Variants in NCAM2 observed in about 807,000 individuals in gnomAD.
NCAM2 encodes the protein neural cell adhesion molecule 2.
Under a neutral mutation model 98.1 loss-of-function variants are expected in NCAM2, and 30 were observed. That is an observed-to-expected ratio of 0.31 (90% CI 0.23 to 0.41). NCAM2 has a LOEUF of 0.41. NCAM2 is among the 10% of genes least tolerant of loss of function. The pLI is 1.00. For missense variants in NCAM2, 867 were observed against 1,005.8 expected (o/e 0.86, Z 1.87); for synonymous variants, 368 against 342.4 (o/e 1.07, Z -0.83).
chr21:21,497,927 A>T (rs1384813677), intron 15 of NCAM2, among the ~76,000 whole-genome samples: 1 of 152,144 alleles, frequency 6.6e-6, no homozygotes, highest in South Asian at 2.1e-4. Flanking sequence ...GATGAATTTT[A>T]CTCAGAATTT....
At chr21:21,221,477 A>AG (rs1555832095) in intron 1 of NCAM2, among the ~76,000 whole-genome samples, 15 of 302 alleles carry the variant, frequency 0.05, no homozygotes, top group Non-Finnish European at 0.081. Flanking sequence ...GGAAACTAAA[A>AG]TGTACTCCAT....
chr21:21,258,197 A>C (rs1785627579), intron 1 of NCAM2, among the ~76,000 whole-genome samples: 2 of 152,164 alleles, frequency 1.3e-5, no homozygotes, highest in East Asian at 1.9e-4. Flanking sequence ...TTTCTACTTT[A>C]AAGTATAGGT....
intron 9 of NCAM2, among the ~76,000 whole-genome samples, chr21:21,397,614 G>T (rs1372598154): frequency 6.6e-6 from 1 of 152,232 alleles, no homozygotes; most frequent in Non-Finnish European, 1.5e-5. Flanking sequence ...AGGGATGGGA[G>T]CAGGCACTTC....
chr21:21,101,613 A>AT (rs1457817351), intron 1 of NCAM2, among the ~76,000 whole-genome samples: 1 of 152,068 alleles, frequency 6.6e-6, no homozygotes, highest in African/African-American at 2.4e-5. Flanking sequence ...GGCCGTACAG[A>AT]TAAAAACAGC....
At chr21:21,489,044 G>A (rs1048764931) in intron 15 of NCAM2, among the ~76,000 whole-genome samples, 1 of 151,914 alleles carries the variant, frequency 6.6e-6, no homozygotes, top group Non-Finnish European at 1.5e-5. Context: ...AAGCTGGAGT[G>A]CAGTGGCCTG....
At chr21:21,211,920 G>T (rs561770900) in intron 1 of NCAM2, among the ~76,000 whole-genome samples, 1 of 152,300 alleles carries the variant, frequency 6.6e-6, no homozygotes, top group South Asian at 2.1e-4. Context: ...TACTGGCAAA[G>T]ATTTGGAAAA....
At chr21:21,180,958 G>A (rs1425529257) in intron 1 of NCAM2, among the ~76,000 whole-genome samples, 1 of 152,118 alleles carries the variant, frequency 6.6e-6, no homozygotes, top group African/African-American at 2.4e-5. Context: ...TTTAAAGAAT[G>A]TTATGATATT....
chr21:21,265,038 T>TATACACATATATAC (rs1568855442), intron 1 of NCAM2, among the ~76,000 whole-genome samples: 1 of 13,458 alleles, frequency 7.4e-5, no homozygotes, highest in African/African-American at 2.7e-4. Context: ...TGTGTATATA[T>TATACACATATATAC]GTACACATAT....
chr21:21,041,289 G>C (rs758213880), intron 1 of NCAM2, among the ~76,000 whole-genome samples: 4 of 152,152 alleles, frequency 2.6e-5, no homozygotes, highest in Non-Finnish European at 5.9e-5. Context: ...TTTGGACGGT[G>C]TTGACAACAA....
At chr21:21,410,598 ATTTAC>A (rs1412994906) in intron 10 of NCAM2, 137 bp downstream of exon 10, 6 of 473,802 alleles carry the variant, frequency 1.3e-5, no homozygotes, top group African/African-American at 2.0e-5. Context: ...TTTTACAGTT[ATTTAC>A]TTAAAGGTCC....
rs1172060348 is a variant in NCAM2, at chr21:21,145,656, A to G, written c.56-134922A>G. Among the ~76,000 whole-genome samples, 14 of 152,192 alleles carry G rather than the reference A, an allele frequency of 9.2e-5. 1 individual carries two copies. Among genetic ancestry groups the G allele is most frequent in the Non-Finnish European group, 1.5e-5 (1 of 68,014 alleles). On this transcript the variant is annotated intron_variant, in intron 1 of 17. Coordinates refer to ENST00000400546, the MANE Select transcript of NCAM2 (RefSeq NM_004540.5). ...AAGAAGTGGGTAAGAGGATTATTGC[A>G]AAAGGAAGCTATGGATAGTATAGTA...
intron 8 of NCAM2, among the ~76,000 whole-genome samples, chr21:21,357,284 C>A (rs1339499754): frequency 6.6e-6 from 1 of 152,024 alleles, no homozygotes; most frequent in African/African-American, 2.4e-5. Context: ...ACTCTATCAC[C>A]AAAATATCTC....
At chr21:21,410,137 AG>A (rs1163828048) in intron 9 of NCAM2, 136 bp from the exon 10 acceptor site, 1 of 538,026 alleles carries the variant, frequency 1.9e-6, no homozygotes, top group Non-Finnish European at 2.8e-6. Flanking sequence ...CGTCTCAAAA[AG>A]AAAAAAAAAA....
At chr21:21,101,892 A>G (rs780494085) in intron 1 of NCAM2, among the ~76,000 whole-genome samples, 11 of 152,090 alleles carry the variant, frequency 7.2e-5, no homozygotes, top group Non-Finnish European at 1.5e-4. Context: ...GACAATTATA[A>G]ATAGTGTTTA....
chr21:21,229,726 C>A (rs1017371680), intron 1 of NCAM2, among the ~76,000 whole-genome samples: 8 of 151,424 alleles, frequency 5.3e-5, no homozygotes, highest in Non-Finnish European at 1.0e-4. Flanking sequence ...TGAATCTAGT[C>A]CCTAACTAGT....
intron 12 of NCAM2, among the ~76,000 whole-genome samples, chr21:21,449,361 C>T (rs1294261057): frequency 5.3e-5 from 8 of 151,082 alleles, no homozygotes; most frequent in African/African-American, 1.9e-4. Context: ...ATTCATAGTG[C>T]CCAGAAACTT....
chr21:21,110,172 GAAAA>G (rs2066427014), intron 1 of NCAM2, among the ~76,000 whole-genome samples: 1 of 152,128 alleles, frequency 6.6e-6, no homozygotes. Flanking sequence ...CCTCATGACA[GAAAA>G]AAATACGTTC....
rs1990251792 is a variant in NCAM2 at position 21,542,026 on chromosome 21, G to A, written c.*4069G>A. On this transcript the variant is annotated 3_prime_UTR_variant, in exon 18 of 18. Coordinates refer to ENST00000400546, the MANE Select transcript of NCAM2 (RefSeq NM_004540.5). ...ATTGCATATGGATGTATCAACATAGGCTAAAATTAAATTATGGATGTCGCA... is the reference window on the plus strand; with the variant it reads ...ATTGCATATGGATGTATCAACATAGACTAAAATTAAATTATGGATGTCGCA... The A allele has an allele frequency of 1.3e-5, 2 of 151,740 alleles. No individual in the cohort carries two copies. Among genetic ancestry groups the A allele is most frequent in the African/African-American group, 4.8e-5 (2 of 41,348 alleles). 9.4% of individuals were successfully genotyped at this position (151,740 alleles called of 1,614,324 possible).
chr21:21,039,230 C>T (rs1435213646), intron 1 of NCAM2, among the ~76,000 whole-genome samples: 1 of 152,120 alleles, frequency 6.6e-6, no homozygotes, highest in Non-Finnish European at 1.5e-5. Flanking sequence ...ACCTATCATT[C>T]TATGGTCTAC....
Sources: allele counts gnomAD v4.1 joint callset (sites outside exome capture counted in the v4.1 genomes callset), GRCh38; gene constraint gnomAD v4.1.1; transcripts MANE v1.5; gene names NCBI Gene and HGNC (gene_info 2026-07-23, HGNC 2026-07-21).